Variants in BDKRB1 observed in about 807,000 individuals in gnomAD.
The protein encoded by BDKRB1 is B1 bradykinin receptor.
For missense variants in BDKRB1, 414 were observed against 441.4 expected (o/e 0.94, Z 0.56); for synonymous variants, 192 against 189.1 (o/e 1.02, Z -0.13).
chr14:96,263,126 T>C (rs559967114), intron 2 of BDKRB1, among the ~76,000 whole-genome samples: 23 of 152,268 alleles, frequency 1.5e-4, no homozygotes, highest in African/African-American at 5.5e-4. Context: ...ATATCTCCAG[T>C]GCCTGGCAAG....
Position 96,262,606 on chromosome 14 carries a change from C to CTTTTTT in BDKRB1, c.-129-31_-129-26dup, listed in dbSNP as rs34474132. The CTTTTTT allele has an allele frequency of 2.4e-3, 746 of 310,492 alleles. 1 individual carries two copies. Among genetic ancestry groups the CTTTTTT allele is most frequent in the South Asian group, 3.1e-3 (148 of 47,192 alleles). 19.2% of individuals were successfully genotyped at this position (310,492 alleles called of 1,614,324 possible). On this transcript the variant is annotated intron_variant, in intron 1 of 2. Coordinates refer to ENST00000216629, the MANE Select transcript of BDKRB1 (RefSeq NM_000710.4). ...TTTTTCTTTTCTCTCTCTCTCTCTC[C>CTTTTTT]TTTTTTTTTTTTTTTTTTTTGTTGT...
chr14:96,264,692 C>T lies in BDKRB1; in HGVS notation c.1010C>T (p.Pro337Leu), dbSNP rs768189659. 7 of 1,614,052 alleles carry T rather than the reference C, an allele frequency of 4.3e-6. No homozygotes were observed. Among genetic ancestry groups the T allele is most frequent in the Non-Finnish European group, 5.1e-6 (6 of 1,180,004 alleles). The part of the protein sequence containing the change: ...YKQCTPKSLA[P>L]ISSSHRKEIF... The stretch of plus-strand genomic sequence containing the variant: ...CAATGCACCCCTAAAAGTCTTGCTC[C>T]AATATCTTCATCCCATAGGAAAGAA... The change falls in exon 3 of 3, where the codon CCA becomes CTA. Residue 337 changes from proline to leucine, a missense_variant. Physicochemically the swap from Pro to Leu is moderately conservative, Grantham distance 98. Coordinates refer to ENST00000216629, the MANE Select transcript of BDKRB1 (RefSeq NM_000710.4).
chr14:96,261,074 C>G (rs1306999943), intron 1 of BDKRB1, among the ~76,000 whole-genome samples: 1 of 152,116 alleles, frequency 6.6e-6, no homozygotes, highest in Non-Finnish European at 1.5e-5. Context: ...AGTCCAAAAA[C>G]CTTGGCATTG....
chr14:96,257,323 G>T (rs915230563), intron 1 of BDKRB1, among the ~76,000 whole-genome samples: 1 of 152,188 alleles, frequency 6.6e-6, no homozygotes, highest in African/African-American at 2.4e-5. Context: ...GTTTCCTAAG[G>T]CTGCTATAAT....
At chr14:96,258,297 G>C (rs1405700422) in intron 1 of BDKRB1, among the ~76,000 whole-genome samples, 2 of 152,086 alleles carry the variant, frequency 1.3e-5, no homozygotes, top group Admixed American at 6.5e-5. Context: ...TTCTTCAGTG[G>C]GGTCTTGTTA....
intron 1 of BDKRB1, chr14:96,259,690 A>G (rs1336885930): frequency 6.6e-6 from 1 of 152,284 alleles, no homozygotes; most frequent in African/African-American, 2.4e-5. Context: ...TCACTTTGCC[A>G]GAATGAATGT....
Position 96,264,093 on chromosome 14 carries a change from C to T in BDKRB1, c.411C>T (p.Arg137=), listed in dbSNP as rs762098123. 4.6e-5 allele frequency: 74 copies of T among 1,604,014 alleles called. No homozygotes were observed. Among genetic ancestry groups the T allele is most frequent in the Non-Finnish European group, 5.6e-5 (66 of 1,175,358 alleles). The change falls in exon 3 of 3, where the codon CGC becomes CGT. Residue 137 remains arginine, a synonymous_variant. Transcript: ENST00000216629. ...TGGCCATCAGCCAGGACCGCTACCG[C>T]GTGCTGGTGCACCCTATGGCCAGCC... is the stretch of plus-strand genomic sequence containing the variant. ...LVVAISQDRY[R]VLVHPMASRR...
chr14:96,259,020 C>G (rs1032044141), intron 1 of BDKRB1, among the ~76,000 whole-genome samples: 3 of 152,038 alleles, frequency 2.0e-5, no homozygotes, highest in Admixed American at 6.5e-5. Context: ...TTCCAGAGCT[C>G]ATTTTAGAAT....
chr14:96,257,080 G>A (rs911993423), intron 1 of BDKRB1, among the ~76,000 whole-genome samples: 6 of 152,222 alleles, frequency 3.9e-5, no homozygotes, highest in African/African-American at 1.4e-4. Context: ...GGCAAAGGAA[G>A]ATTTCTCCTC....
At chr14:96,259,916 T>C (rs1885705513) in intron 1 of BDKRB1, 1 of 152,182 alleles carries the variant, frequency 6.6e-6, no homozygotes, top group Non-Finnish European at 1.5e-5. Context: ...TGAGCTGAGT[T>C]AACTTAAAGA....
rs1172358505 is a variant in BDKRB1, at chr14:96,264,153, C to T, written c.471C>T (p.Thr157=). ...RQQRRRQARV[T]CVLIWVVGGL... Reference sequence around the variant, plus strand: ...AGCGGCGGAGGCAGGCCCGGGTCACCTGCGTGCTCATCTGGGTTGTGGGGG... The same window carrying T: ...AGCGGCGGAGGCAGGCCCGGGTCACTTGCGTGCTCATCTGGGTTGTGGGGG... Residue 157 remains threonine, a synonymous_variant, in exon 3 of 3, where the codon ACC becomes ACT. Transcript: ENST00000216629. 1.2e-6 allele frequency: 2 copies of T among 1,600,684 alleles called. No homozygotes were observed. The highest frequency in any genetic ancestry group is 2.2e-5 in the East Asian group (1 of 44,772).
intron 2 of BDKRB1, 93 bp downstream of exon 2, chr14:96,262,863 T>C (rs796220306): frequency 8.5e-6 from 3 of 352,236 alleles, no homozygotes; most frequent in South Asian, 6.5e-5. Context: ...CCTGGGTTCA[T>C]CTGATCCATC....
intron 1 of BDKRB1, among the ~76,000 whole-genome samples, chr14:96,258,388 T>G (rs1816703165): frequency 6.6e-6 from 1 of 152,228 alleles, no homozygotes; most frequent in South Asian, 2.1e-4. Context: ...GTACCTTCAA[T>G]TGACTCTTCT....
chr14:96,263,320 G>A (rs914109613), intron 2 of BDKRB1, among the ~76,000 whole-genome samples: 3 of 152,174 alleles, frequency 2.0e-5, no homozygotes, highest in Non-Finnish European at 2.9e-5. Flanking sequence ...AGAGAGACAC[G>A]ATTCTCTCCA....
chr14:96,260,615 C>T, intron 1 of BDKRB1, among the ~76,000 whole-genome samples: 1 of 152,104 alleles, frequency 6.6e-6, no homozygotes, highest in African/African-American at 2.4e-5. Flanking sequence ...CAAAAAATGA[C>T]CAAACTATTG....
rs140574024 is a variant in BDKRB1, at chr14:96,264,222, C to A, written c.540C>A (p.Ala180=). The change falls in exon 3 of 3, where the codon GCC becomes GCA. Residue 180 remains alanine (A), a synonymous_variant. Transcript: ENST00000216629. ...CATTCCTGCTGCGATCCATCCAAGC[C>A]GTCCCAGATCTGAACATCACCGCCT... The part of the protein sequence containing the change: ...IPTFLLRSIQ[A]VPDLNITACI... The A allele has an allele frequency of 1.2e-6, 2 of 1,614,008 alleles. No individual in the cohort carries two copies. The highest frequency in any genetic ancestry group is 2.7e-5 in the African/African-American group (2 of 75,054).
chr14:96,260,857 C>T (rs1359108300), intron 1 of BDKRB1, among the ~76,000 whole-genome samples: 1 of 152,190 alleles, frequency 6.6e-6, no homozygotes, highest in Non-Finnish European at 1.5e-5. Context: ...AGTTAGGTCT[C>T]ATCATCCCAG....
rs76887699 is a variant in BDKRB1 at position 96,264,241 on chromosome 14, A to C, written c.559A>C (p.Thr187Pro). The change falls in exon 3 of 3, where the codon ACC becomes CCC. Residue 187 changes from threonine (T) to proline (P), a missense_variant. Physicochemically the swap from Thr to Pro is conservative, Grantham distance 38 (BLOSUM62 -1). Coordinates refer to ENST00000216629, the MANE Select transcript of BDKRB1 (RefSeq NM_000710.4). ...SIQAVPDLNI[T>P]ACILLLPHEA... ...CCAAGCCGTCCCAGATCTGAACATC[A>C]CCGCCTGCATCCTGCTCCTCCCCCA... 1 of 1,614,030 alleles carries C rather than the reference A, an allele frequency of 6.2e-7. No individual in the cohort carries two copies. The highest frequency in any genetic ancestry group is 1.1e-5 in the South Asian group (1 of 91,070).
At chr14:96,256,839 G>T (rs560780485) in intron 1 of BDKRB1, among the ~76,000 whole-genome samples, 1 of 152,180 alleles carries the variant, frequency 6.6e-6, no homozygotes, top group African/African-American at 2.4e-5. Flanking sequence ...TTAATTTGAA[G>T]AATTAACTAA....
Sources: gnomAD v4.1 joint callset for allele counts (sites outside exome capture counted in the v4.1 genomes callset) on GRCh38, gnomAD v4.1.1 for gene constraint, MANE v1.5 for transcripts, NCBI Gene and HGNC (gene_info 2026-07-23, HGNC 2026-07-21) for gene names.